Variants in CADM2 observed in about 807,000 individuals in gnomAD.
CADM2 encodes the protein immunoglobulin superfamily member 4D.
In CADM2, 12 loss-of-function variants were observed where a neutral mutation model predicts 49.8. The ratio of observed to expected loss-of-function variants is 0.24; its 90% CI spans 0.15 to 0.39. CADM2 has a LOEUF of 0.39. CADM2 is among the 10% of genes least tolerant of loss of function. CADM2 has a pLI of 1.00. For synonymous variants in CADM2, 214 were observed against 175.4 expected, an observed-to-expected ratio of 1.22 and a Z score of -1.74; for missense variants, 378 against 492.3, an observed-to-expected ratio of 0.77 and a Z score of 2.20.
chr3:85,962,139 G>A (rs191457902), intron 8 of CADM2, among the ~76,000 whole-genome samples: 5 of 151,882 alleles, frequency 3.3e-5, no homozygotes, highest in Admixed American at 1.3e-4. Context: ...GGCTTACCTC[G>A]AACTCCTGGC....
intron 1 of CADM2, among the ~76,000 whole-genome samples, chr3:85,403,099 G>C (rs2035197589): frequency 6.6e-6 from 1 of 151,900 alleles, no homozygotes; most frequent in Non-Finnish European, 1.5e-5. Context: ...TTGATTTTTG[G>C]AAGTATTAAG....
At chr3:85,418,069 A>T (rs1396198920) in intron 1 of CADM2, among the ~76,000 whole-genome samples, 1 of 152,158 alleles carries the variant, frequency 6.6e-6, no homozygotes, top group Non-Finnish European at 1.5e-5. Context: ...TTGTTTTTTC[A>T]GTAAATATCA....
chr3:86,027,522 C>T (rs867553025), intron 8 of CADM2, among the ~76,000 whole-genome samples: 1 of 152,110 alleles, frequency 6.6e-6, no homozygotes, highest in East Asian at 1.9e-4. Context: ...AAACTATGCT[C>T]TCTTTTTGAC....
chr3:85,479,505 A>C (rs1458765180), intron 1 of CADM2, among the ~76,000 whole-genome samples: 3 of 151,912 alleles, frequency 2.0e-5, no homozygotes, highest in South Asian at 2.1e-4. Context: ...GGATTAAAAA[A>C]CCTTTGTTAG....
At chr3:85,334,420 C>T (rs981378049) in intron 1 of CADM2, among the ~76,000 whole-genome samples, 8 of 151,436 alleles carry the variant, frequency 5.3e-5, no homozygotes, top group Non-Finnish European at 7.4e-5. Context: ...AGACAGCCGT[C>T]GCCAGCTCAG....
chr3:85,934,903 G>T (rs956178675), intron 6 of CADM2, among the ~76,000 whole-genome samples: 1 of 151,982 alleles, frequency 6.6e-6, no homozygotes, highest in African/African-American at 2.4e-5. Flanking sequence ...GAAGATAAGA[G>T]GAGAAGACAA....
intron 1 of CADM2, among the ~76,000 whole-genome samples, chr3:85,559,971 TC>T (rs1411194148): frequency 6.6e-6 from 1 of 152,192 alleles, no homozygotes; most frequent in Non-Finnish European, 1.5e-5. Flanking sequence ...ATAAATAAGT[TC>T]ATATTAACAG....
chr3:85,540,507 A>G (rs1387650146), intron 1 of CADM2, among the ~76,000 whole-genome samples: 5 of 152,174 alleles, frequency 3.3e-5, no homozygotes, highest in Non-Finnish European at 7.4e-5. Flanking sequence ...CTGTGCTGAC[A>G]TCCACAACTT....
chr3:85,298,501 T>C (rs1031082616), intron 1 of CADM2, among the ~76,000 whole-genome samples: 1 of 152,138 alleles, frequency 6.6e-6, no homozygotes, highest in Non-Finnish European at 1.5e-5. Context: ...TTTATCTTTT[T>C]GGCATTTCTA....
intron 1 of CADM2, among the ~76,000 whole-genome samples, chr3:85,517,184 C>A (rs1253589470): frequency 2.0e-5 from 3 of 151,494 alleles, no homozygotes; most frequent in African/African-American, 7.3e-5. Context: ...ATGGTTAGAT[C>A]TTTTAAAAAA....
chr3:85,537,992 G>T (rs1473348643), intron 1 of CADM2, among the ~76,000 whole-genome samples: 1 of 152,036 alleles, frequency 6.6e-6, no homozygotes, highest in African/African-American at 2.4e-5. Flanking sequence ...CAAATATCTT[G>T]CAGATGTTTA....
At chr3:85,648,730 C>T (rs190879163) in intron 1 of CADM2, among the ~76,000 whole-genome samples, 1 of 152,088 alleles carries the variant, frequency 6.6e-6, no homozygotes, top group Admixed American at 6.5e-5. Context: ...TGAGATTTCA[C>T]CTGGATGGCT....
At chr3:85,425,150 C>A (rs1225807624) in intron 1 of CADM2, among the ~76,000 whole-genome samples, 1 of 152,116 alleles carries the variant, frequency 6.6e-6, no homozygotes, top group Non-Finnish European at 1.5e-5. Flanking sequence ...TAATCAGTAC[C>A]TTTGCCCGTT....
At chr3:85,031,733 G>A (rs1434185135) in intron 1 of CADM2, among the ~76,000 whole-genome samples, 1 of 151,766 alleles carries the variant, frequency 6.6e-6, no homozygotes, top group Non-Finnish European at 1.5e-5. Flanking sequence ...TGTTAGCCAG[G>A]ATGGTCTCGA....
intron 2 of CADM2, among the ~76,000 whole-genome samples, chr3:85,770,886 C>A (rs975365059): frequency 6.6e-6 from 1 of 152,102 alleles, no homozygotes; most frequent in Non-Finnish European, 1.5e-5. Flanking sequence ...TGATAATTTT[C>A]AAAGGGCAGA....
chr3:85,335,971 A>G (rs1294135112), intron 1 of CADM2, among the ~76,000 whole-genome samples: 1 of 151,476 alleles, frequency 6.6e-6, no homozygotes, highest in African/African-American at 2.4e-5. Context: ...TTACTTTTTG[A>G]GTAAGGTCGA....
intron 1 of CADM2, among the ~76,000 whole-genome samples, chr3:85,291,037 T>C (rs964739062): frequency 3.3e-5 from 5 of 152,100 alleles, no homozygotes; most frequent in Non-Finnish European, 7.3e-5. Context: ...TTGAAAACTT[T>C]TTAAAAAATT....
chr3:85,297,413 A>G (rs1015580669), intron 1 of CADM2, among the ~76,000 whole-genome samples: 3 of 152,140 alleles, frequency 2.0e-5, no homozygotes, highest in Admixed American at 2.0e-4. Flanking sequence ...AAACAACAGG[A>G]GTTTCCAGGA....
At chr3:85,153,695 C>T (rs908401176) in intron 1 of CADM2, among the ~76,000 whole-genome samples, 35 of 152,124 alleles carry the variant, frequency 2.3e-4, no homozygotes, top group Non-Finnish European at 4.6e-4. Flanking sequence ...CCCTGTCTGA[C>T]AGCTTTGAAG....
Sources: allele counts gnomAD v4.1 joint callset (sites outside exome capture counted in the v4.1 genomes callset), GRCh38; gene constraint gnomAD v4.1.1; transcripts MANE v1.5; gene names NCBI Gene and HGNC (gene_info 2026-07-23, HGNC 2026-07-21).